MKX: variants seen among roughly 807,000 people sequenced by gnomAD.
The protein encoded by MKX is mohawk homeobox.
MKX carries 13 observed loss-of-function variants against 36.0 expected under a neutral mutation model. That is an observed-to-expected ratio of 0.36 (90% CI 0.24 to 0.57). MKX has a LOEUF of 0.57. MKX is among the 20% of genes least tolerant of loss of function. MKX has a pLI of 0.79. For missense variants in MKX, 458 were observed against 456.4 expected, an observed-to-expected ratio of 1.00 and a Z score of -0.03; for synonymous variants, 176 against 178.3, an observed-to-expected ratio of 0.99 and a Z score of 0.10.
At chr10:27,693,843 A>G (rs971185713) in intron 5 of MKX, among the ~76,000 whole-genome samples, 5 of 152,096 alleles carry the variant, frequency 3.3e-5, no homozygotes, top group Admixed American at 2.6e-4. Flanking sequence ...GTCCCCACCC[A>G]AATCTCATCT....
chr10:27,741,713 T>C lies in MKX; in HGVS notation c.189-209A>G, dbSNP rs904370552. Reference sequence around the variant, plus strand: ...GGAGATCATTTCGATAGGTTTATCTTGAATAGGGGGATACCTTGAACCCAA... The same window carrying C: ...GGAGATCATTTCGATAGGTTTATCTCGAATAGGGGGATACCTTGAACCCAA... On this transcript the variant is annotated intron_variant, in intron 2 of 6. Transcript: ENST00000419761. The surrounding 1 kb of genome is among the most constrained non-coding windows in gnomAD (Gnocchi z 5.1). Among the ~76,000 whole-genome samples the C allele has an allele frequency of 6.6e-6, 1 of 152,196 alleles. No individual in the cohort carries two copies. The highest frequency in any genetic ancestry group is 2.4e-5 in the African/African-American group (1 of 41,460).
At chr10:27,684,962 T>C (rs891196442) in intron 5 of MKX, among the ~76,000 whole-genome samples, 4 of 152,222 alleles carry the variant, frequency 2.6e-5, no homozygotes, top group African/African-American at 9.6e-5. Context: ...GAATGCTTAT[T>C]CTATGCCAGA....
chr10:27,716,667 AT>A (rs1228865524), intron 5 of MKX, among the ~76,000 whole-genome samples: 2 of 152,170 alleles, frequency 1.3e-5, no homozygotes, highest in African/African-American at 4.8e-5. Flanking sequence ...TACCAAAAGC[AT>A]TTAAAGCGGT....
chr10:27,687,357 T>C (rs566811741), intron 5 of MKX, among the ~76,000 whole-genome samples: 27 of 152,304 alleles, frequency 1.8e-4, no homozygotes, highest in Admixed American at 2.6e-4. Flanking sequence ...AAAATGGGGA[T>C]ATTTTCATAT....
chr10:27,692,072 A>G (rs1162475084), intron 5 of MKX, among the ~76,000 whole-genome samples: 3 of 152,184 alleles, frequency 2.0e-5, no homozygotes, highest in Non-Finnish European at 2.9e-5. Flanking sequence ...TATACCCACT[A>G]ATGGGATTGC....
In MKX at chr10:27,727,959, C is replaced by T. The variant is rs1834528341; in HGVS notation, c.838+6497G>A. On this transcript the variant is annotated intron_variant, in intron 5 of 6. Coordinates refer to ENST00000419761, the MANE Select transcript of MKX (RefSeq NM_173576.3). ...AGATTTCTGCTATCTGGAAACTGGA[C>T]TTATGTGAAATACCTCATTCCCAGA... 2.6e-5 allele frequency among the ~76,000 whole-genome samples: 4 copies of T among 152,174 alleles called. No individual in the cohort carries two copies. The South Asian group carries it at 8.3e-4, about 32-fold the overall frequency.
At chr10:27,722,017 G>A (rs1218387347) in intron 5 of MKX, among the ~76,000 whole-genome samples, 1 of 152,140 alleles carries the variant, frequency 6.6e-6, no homozygotes, top group Non-Finnish European at 1.5e-5. Context: ...AAAATAAATT[G>A]TAGGTAGATT....
intron 5 of MKX, among the ~76,000 whole-genome samples, chr10:27,719,196 G>A (rs146929593): frequency 3.3e-5 from 5 of 152,260 alleles, no homozygotes; most frequent in African/African-American, 1.2e-4. Context: ...GAAATTCATG[G>A]AAAGGAAAAT....
At chr10:27,718,575 C>T (rs1025021288) in intron 5 of MKX, 16 of 445,836 alleles carry the variant, frequency 3.6e-5, no homozygotes, top group Non-Finnish European at 6.8e-5. Flanking sequence ...GGAGTCCTCA[C>T]TCAAAGAACC....
At chr10:27,701,089 C>T (rs907375685) in intron 5 of MKX, among the ~76,000 whole-genome samples, 1 of 152,242 alleles carries the variant, frequency 6.6e-6, no homozygotes, top group Middle Eastern at 3.4e-3. Flanking sequence ...GCTATGTCTA[C>T]AAAGGGGTTA....
intron 5 of MKX, among the ~76,000 whole-genome samples, chr10:27,702,873 A>T (rs973377236): frequency 9.2e-5 from 14 of 152,190 alleles, no homozygotes; most frequent in African/African-American, 3.1e-4. Context: ...GAACTGAAAC[A>T]CCACAAAATA....
chr10:27,673,184 A>G lies in MKX; in HGVS notation c.*2045T>C, dbSNP rs1836080879. 6.6e-6 allele frequency: 1 copy of G among 152,152 alleles called. No individual in the cohort carries two copies. Among genetic ancestry groups the G allele is most frequent in the Non-Finnish European group, 1.5e-5 (1 of 68,008 alleles). The allele number at this position is 152,152 out of a possible 1,614,324, so 9.4% of individuals were successfully genotyped here. Reference sequence around the variant, plus strand: ...AGTCTTCTTGACATGTTAATTATAAAATCTTCCAACCTTTGGTATTAAAAA... The same window carrying G: ...AGTCTTCTTGACATGTTAATTATAAGATCTTCCAACCTTTGGTATTAAAAA... On this transcript the variant is annotated 3_prime_UTR_variant, in exon 7 of 7. Transcript: ENST00000419761.
At chr10:27,703,311 G>A (rs1203670270) in intron 5 of MKX, among the ~76,000 whole-genome samples, 1 of 152,274 alleles carries the variant, frequency 6.6e-6, no homozygotes, top group Middle Eastern at 3.4e-3. Flanking sequence ...TCATTTTATA[G>A]AGATGAATGT....
chr10:27,724,756 TACACAC>T (rs55968845), intron 5 of MKX, among the ~76,000 whole-genome samples: 11 of 141,400 alleles, frequency 7.8e-5, no homozygotes, highest in African/African-American at 1.8e-4. Flanking sequence ...TACTACTACC[TACACAC>T]ACACACACAC....
chr10:27,722,122 T>A (rs1271852110), intron 5 of MKX, among the ~76,000 whole-genome samples: 1 of 152,200 alleles, frequency 6.6e-6, no homozygotes, highest in African/African-American at 2.4e-5. Context: ...CATACTTCTA[T>A]AATCTTGGGA....
At chr10:27,713,159 C>T (rs1195675133) in intron 5 of MKX, among the ~76,000 whole-genome samples, 2 of 152,166 alleles carry the variant, frequency 1.3e-5, no homozygotes, top group Non-Finnish European at 2.9e-5. Context: ...CCAAATATAC[C>T]ATATGCTTAG....
chr10:27,724,655 C>G (rs906969662), intron 5 of MKX, among the ~76,000 whole-genome samples: 1 of 151,950 alleles, frequency 6.6e-6, no homozygotes. Context: ...TTCAATGTCT[C>G]CAGTGTTATG....
chr10:27,718,394 C>T (rs1030416424), intron 5 of MKX, among the ~76,000 whole-genome samples: 6 of 149,738 alleles, frequency 4.0e-5, no homozygotes, highest in Non-Finnish European at 8.8e-5. Context: ...TAGTCAATTA[C>T]ATTTGTAGCG....
At chr10:27,698,592 G>C (rs1441918293) in intron 5 of MKX, among the ~76,000 whole-genome samples, 1 of 152,156 alleles carries the variant, frequency 6.6e-6, no homozygotes, top group African/African-American at 2.4e-5. Flanking sequence ...GTCTGAGGAA[G>C]GGGGGCAAGG....
Sources: allele counts gnomAD v4.1 joint callset (sites outside exome capture counted in the v4.1 genomes callset), GRCh38; gene constraint gnomAD v4.1.1; non-coding constraint Gnocchi (gnomAD v3.1); transcripts MANE v1.5; gene names NCBI Gene and HGNC (gene_info 2026-07-23, HGNC 2026-07-21).